The following MIS12 variants were observed in gnomAD, a reference collection of about 807,000 sequenced individuals.
MIS12 encodes the protein protein MIS12 homolog.
Under a neutral mutation model 16.5 loss-of-function variants are expected in MIS12, and 13 were observed. The ratio of observed to expected loss-of-function variants is 0.79; its 90% CI spans 0.51 to 1.25. The LOEUF is 1.25. Among genes scored for constraint, MIS12 ranks in the 50% most tolerant of loss-of-function variants. The pLI is 0.00. For missense variants in MIS12, 199 were observed against 239.5 expected (o/e 0.83, Z 1.12); for synonymous variants, 97 against 87.3 (o/e 1.11, Z -0.62).
Position 5,489,398 on chromosome 17 carries a change from T to G in MIS12, c.536T>G (p.Val179Gly). The G allele has an allele frequency of 6.2e-7, 1 of 1,613,872 alleles. No homozygotes were observed. Among genetic ancestry groups the G allele is most frequent in the East Asian group, 2.2e-5 (1 of 44,868 alleles). Reference protein sequence around the residue: ...HGTSDFRESLVSLVQNSRKLQ... With the variant: ...HGTSDFRESLGSLVQNSRKLQ... The stretch of plus-strand genomic sequence containing the variant: ...ACTAGTGATTTTAGGGAGAGTTTAG[T>G]ATCCCTGGTTCAGAACTCCAGAAAA... The change falls in exon 3 of 3, where the codon GTA (valine) becomes GGA (glycine). Residue 179 changes from valine to glycine, a missense_variant. Transcript: ENST00000611091.
rs1241911333 is a variant in MIS12 at position 5,490,035 on chromosome 17, A to G, written c.*555A>G. 2.4e-5 allele frequency: 4 copies of G among 167,026 alleles called. No homozygotes were observed. 10.3% of individuals were successfully genotyped at this position (167,026 alleles called of 1,614,324 possible). ...CAGGTGCGTGTCACCATGCTTGGCT[A>G]ATTTTTTTGCAGAAACGAGGCCTCA... is the stretch of plus-strand genomic sequence containing the variant. On this transcript the variant is annotated 3_prime_UTR_variant, in exon 3 of 3. Coordinates refer to ENST00000611091, the MANE Select transcript of MIS12 (RefSeq NM_001258217.2).
rs1388270257 is a variant in MIS12 at position 5,489,026 on chromosome 17, T to G, written c.164T>G (p.Ile55Ser). 6.2e-7 allele frequency: 1 copy of G among 1,614,242 alleles called. No individual in the cohort carries two copies. ...CTGGATGGCATCCCAGACTGTGACATTAGCCCAGTGCAGATTCGCAAATGC... is the reference window on the plus strand; with the variant it reads ...CTGGATGGCATCCCAGACTGTGACAGTAGCCCAGTGCAGATTCGCAAATGC... ...KKLDGIPDCD[I>S]SPVQIRKCTE... The change falls in exon 3 of 3, where the codon ATT (isoleucine) becomes AGT (serine). Residue 55 changes from isoleucine to serine, a missense_variant. Transcript: ENST00000611091.
At position 5,488,607 on chromosome 17, in the gene MIS12, C is replaced by G; in HGVS notation, c.-41+18C>G. ...AGTCACAGGTAAGGGAAGTGAACAACGAGGAGGGGAAAAGGGAGGGTATAG... is the reference window on the plus strand; with the variant it reads ...AGTCACAGGTAAGGGAAGTGAACAAGGAGGAGGGGAAAAGGGAGGGTATAG... On this transcript the variant is annotated intron_variant, in intron 2 of 2. Transcript: ENST00000611091. 4 of 418,856 alleles carry G rather than the reference C, an allele frequency of 9.5e-6. No individual in the cohort carries two copies. Among genetic ancestry groups the G allele is most frequent in the Non-Finnish European group, 1.7e-5 (4 of 231,468 alleles). The allele number at this position is 418,856 out of a possible 1,614,324, so 25.9% of individuals were successfully genotyped here.
chr17:5,489,668 A>G lies in MIS12; in HGVS notation c.*188A>G, dbSNP rs973277741. Reference sequence around the variant, plus strand: ...TTTGGTCCACTTTGCTGAGGTATGAAGTGTACTACTTTGAACTAGGCTGAA... The same window carrying G: ...TTTGGTCCACTTTGCTGAGGTATGAGGTGTACTACTTTGAACTAGGCTGAA... On this transcript the variant is annotated 3_prime_UTR_variant, in exon 3 of 3. Coordinates refer to ENST00000611091, the MANE Select transcript of MIS12 (RefSeq NM_001258217.2). The G allele has an allele frequency of 3.2e-6, 2 of 628,644 alleles. No individual in the cohort carries two copies. Among genetic ancestry groups the G allele is most frequent in the African/African-American group, 3.7e-5 (2 of 53,630 alleles). The allele number at this position is 628,644 out of a possible 1,614,324, so 38.9% of individuals were successfully genotyped here.
Position 5,489,353 on chromosome 17 carries a change from A to G in MIS12, c.491A>G (p.Asn164Ser). 6.2e-7 allele frequency: 1 copy of G among 1,614,080 alleles called. No homozygotes were observed. Among genetic ancestry groups the G allele is most frequent in the East Asian group, 2.2e-5 (1 of 44,878 alleles). Residue 164 changes from asparagine (N) to serine (S), a missense_variant, in exon 3 of 3, where the codon AAT becomes AGT. Coordinates refer to ENST00000611091, the MANE Select transcript of MIS12 (RefSeq NM_001258217.2). Reference sequence around the variant, plus strand: ...TTGACTTTCTTTGATGAGCTTCATAATGTTGGCAGAGATCATGGGACTAGT... The same window carrying G: ...TTGACTTTCTTTGATGAGCTTCATAGTGTTGGCAGAGATCATGGGACTAGT... ...QTLTFFDELH[N>S]VGRDHGTSDF...
chr17:5,488,747 A>T, intron 2 of MIS12, 76 bp from the exon 3 acceptor site: 1 of 1,128,126 alleles, frequency 8.9e-7, no homozygotes, highest in Non-Finnish European at 1.2e-6. Flanking sequence ...TTTGTTTGCT[A>T]TCTGTAATGT....
chr17:5,488,794 A>T (rs1348464655), intron 2 of MIS12, 29 bp from the exon 3 acceptor site: 3 of 1,518,296 alleles, frequency 2.0e-6, no homozygotes, highest in South Asian at 1.3e-5. Flanking sequence ...TTTTTTTCCA[A>T]ATGAATTATT....
In MIS12 at chr17:5,489,323, A is replaced by ATTT. The variant is rs1567618071; in HGVS notation, c.461_462insTTT (p.Gln154delinsHisLeu). On this transcript the variant is annotated protein_altering_variant, in exon 3 of 3. Coordinates refer to ENST00000611091, the MANE Select transcript of MIS12 (RefSeq NM_001258217.2). Reference sequence around the variant, plus strand: ...AAAATTGTTCAGGCCAAACTCAAACAGACGTTGACTTTCTTTGATGAGCTT... The same window carrying ATTT: ...AAAATTGTTCAGGCCAAACTCAAACATTTGACGTTGACTTTCTTTGATGAGCTT... 1 of 1,614,056 alleles carries ATTT rather than the reference A, an allele frequency of 6.2e-7. No homozygotes were observed. The highest frequency in any genetic ancestry group is 8.5e-7 in the Non-Finnish European group (1 of 1,180,038).
rs1906635272 is a variant in MIS12 at position 5,489,606 on chromosome 17, T to C, written c.*126T>C. 3.7e-6 allele frequency: 4 copies of C among 1,079,234 alleles called. No homozygotes were observed. Among genetic ancestry groups the C allele is most frequent in the Non-Finnish European group, 5.2e-6 (4 of 769,500 alleles). 66.9% of individuals were successfully genotyped at this position (1,079,234 alleles called of 1,614,324 possible). On this transcript the variant is annotated 3_prime_UTR_variant, in exon 3 of 3. Transcript: ENST00000611091. ...AACCATACTTTTTATTAGATTTGCTTTGTCAACTCTTTCTTGTATTCTGTG... is the reference window on the plus strand; with the variant it reads ...AACCATACTTTTTATTAGATTTGCTCTGTCAACTCTTTCTTGTATTCTGTG...
rs1001858131 is a variant in MIS12 at position 5,489,326 on chromosome 17, C to G, written c.464C>G (p.Thr155Arg). 1.2e-6 allele frequency: 2 copies of G among 1,613,852 alleles called. No homozygotes were observed. Among genetic ancestry groups the G allele is most frequent in the African/African-American group, 2.7e-5 (2 of 74,898 alleles). Residue 155 changes from threonine to arginine, a missense_variant, in exon 3 of 3, where the codon ACG becomes AGG. Coordinates refer to ENST00000611091, the MANE Select transcript of MIS12 (RefSeq NM_001258217.2). ...ATTGTTCAGGCCAAACTCAAACAGACGTTGACTTTCTTTGATGAGCTTCAT... is the reference window on the plus strand; with the variant it reads ...ATTGTTCAGGCCAAACTCAAACAGAGGTTGACTTTCTTTGATGAGCTTCAT... ...QKIVQAKLKQTLTFFDELHNV... is the reference protein window; with the variant it reads ...QKIVQAKLKQRLTFFDELHNV...
In MIS12 at chr17:5,490,060, A is replaced by T. The variant is rs1453919862; in HGVS notation, c.*580A>T. On this transcript the variant is annotated 3_prime_UTR_variant, in exon 3 of 3. Transcript: ENST00000611091. Reference sequence around the variant, plus strand: ...AATTTTTTTGCAGAAACGAGGCCTCACTATATTGTCCAGGCTGAGTGGCTC... The same window carrying T: ...AATTTTTTTGCAGAAACGAGGCCTCTCTATATTGTCCAGGCTGAGTGGCTC... 1 of 167,116 alleles carries T rather than the reference A, an allele frequency of 6.0e-6. No homozygotes were observed. Among genetic ancestry groups the T allele is most frequent in the East Asian group, 1.9e-4 (1 of 5,198 alleles). 10.4% of individuals were successfully genotyped at this position (167,116 alleles called of 1,614,324 possible).
Position 5,486,568 on chromosome 17 carries a change from C to T in MIS12, c.-551C>T, listed in dbSNP as rs1805433. On this transcript the variant is annotated 5_prime_UTR_variant, in exon 1 of 3. Transcript: ENST00000611091. The stretch of plus-strand genomic sequence containing the variant: ...TGCTTTCGCTCGCCGAGGCGCGTAT[C>T]AGTCGGAATTTTGGGGAGCCAACCG... 18,390 of 160,020 alleles carry T rather than the reference C, an allele frequency of 0.11. 1,303 individuals carry two copies. Among genetic ancestry groups the T allele is most frequent in the East Asian group, 0.25 (1,356 of 5,348 alleles). 9.9% of individuals were successfully genotyped at this position (160,020 alleles called of 1,614,324 possible). A position where few individuals can be genotyped will look rare whatever the true frequency, so the allele number is the denominator to read the frequency against.
chr17:5,489,832 CAAGAA>C lies in MIS12; in HGVS notation c.*356_*360del, dbSNP rs1325507190. 5.2e-6 allele frequency: 1 copy of C among 190,822 alleles called. No individual in the cohort carries two copies. The highest frequency in any genetic ancestry group is 2.4e-5 in the African/African-American group (1 of 42,374). The allele number at this position is 190,822 out of a possible 1,614,324, so 11.8% of individuals were successfully genotyped here. On this transcript the variant is annotated 3_prime_UTR_variant, in exon 3 of 3. Transcript: ENST00000611091. ...GGCTTACTCTTTGGATGAGACCAGA[CAAGAA>C]AAGGATTAAACGGGTGGCTCCTTTA...
chr17:5,489,245 A>G lies in MIS12; in HGVS notation c.383A>G (p.Tyr128Cys). The G allele has an allele frequency of 1.2e-6, 2 of 1,614,190 alleles. No individual in the cohort carries two copies. Among genetic ancestry groups the G allele is most frequent in the Non-Finnish European group, 1.7e-6 (2 of 1,180,044 alleles). Residue 128 changes from tyrosine to cysteine, a missense_variant, in exon 3 of 3, where the codon TAC becomes TGC. Transcript: ENST00000611091. Reference protein sequence around the residue: ...QKEIEQLQEKYKTELCTKQAL... With the variant: ...QKEIEQLQEKCKTELCTKQAL... ...GAAATTGAACAGTTACAGGAGAAGT[A>G]CAAGACTGAATTATGTACTAAGCAG... is the stretch of plus-strand genomic sequence containing the variant.
At chr17:5,488,683 A>T in intron 2 of MIS12, 94 bp downstream of exon 2, 1 of 630,626 alleles carries the variant, frequency 1.6e-6, no homozygotes, top group South Asian at 2.1e-5. Context: ...CTGTTGTGGG[A>T]GTGGCATCAG....
chr17:5,488,464 A>C lies in MIS12; in HGVS notation c.-166A>C. 1 of 165,622 alleles carries C rather than the reference A, an allele frequency of 6.0e-6. No individual in the cohort carries two copies. Among genetic ancestry groups the C allele is most frequent in the Admixed American group, 5.9e-5 (1 of 17,058 alleles). The allele number at this position is 165,622 out of a possible 1,614,324, so 10.3% of individuals were successfully genotyped here. On this transcript the variant is annotated 5_prime_UTR_variant, in exon 2 of 3. Transcript: ENST00000611091. ...AAATATCAAGAGCCAGGTGGCTAAAAGGTGGAGCTATAGGTCATTGAAGCT... is the reference window on the plus strand; with the variant it reads ...AAATATCAAGAGCCAGGTGGCTAAACGGTGGAGCTATAGGTCATTGAAGCT...
intron 1 of MIS12, chr17:5,487,237 C>G (rs1466076706): frequency 6.6e-6 from 1 of 152,132 alleles, no homozygotes; most frequent in African/African-American, 2.4e-5. Context: ...GTACTCCAGC[C>G]TGGGCGAAAG....
rs780877932 is a variant in MIS12, at chr17:5,490,256, C to T, written c.*776C>T. On this transcript the variant is annotated 3_prime_UTR_variant, in exon 3 of 3. Coordinates refer to ENST00000611091, the MANE Select transcript of MIS12 (RefSeq NM_001258217.2). ...GTTGGTTTATTTCCAAAATAAATCC[C>T]CTGACAAAAAACCTGGTGATGTTAA... 1.2e-5 allele frequency: 2 copies of T among 166,912 alleles called. No individual in the cohort carries two copies. Among genetic ancestry groups the T allele is most frequent in the Non-Finnish European group, 2.9e-5 (2 of 68,092 alleles). 10.3% of individuals were successfully genotyped at this position (166,912 alleles called of 1,614,324 possible).
rs1906676088 is a variant in MIS12, at chr17:5,490,129, T to C, written c.*649T>C. 6.0e-6 allele frequency: 1 copy of C among 167,046 alleles called. No individual in the cohort carries two copies. Among genetic ancestry groups the C allele is most frequent in the Non-Finnish European group, 1.5e-5 (1 of 68,126 alleles). The allele number at this position is 167,046 out of a possible 1,614,324, so 10.3% of individuals were successfully genotyped here. A position where few individuals can be genotyped will look rare whatever the true frequency, so the allele number is the denominator to read the frequency against. The stretch of plus-strand genomic sequence containing the variant: ...ACACTGCGGAACAGCCAACATAGAG[T>C]ACTTGCTCTCGTCCTGTGAATTTTC... On this transcript the variant is annotated 3_prime_UTR_variant, in exon 3 of 3. Coordinates refer to ENST00000611091, the MANE Select transcript of MIS12 (RefSeq NM_001258217.2).
Sources: allele counts gnomAD v4.1 joint callset, GRCh38; gene constraint gnomAD v4.1.1; transcripts MANE v1.5; gene names NCBI Gene and HGNC (gene_info 2026-07-23, HGNC 2026-07-21).